F9: variants seen among roughly 807,000 people sequenced by gnomAD.
F9 encodes coagulation factor IX, also known as Christmas factor.
Under a neutral mutation model 34.1 loss-of-function variants are expected in F9, and 2 were observed. The ratio of observed to expected loss-of-function variants is 0.06; its 90% confidence interval spans 0.02 to 0.18. F9 has a LOEUF of 0.18. Among genes scored for constraint, F9 ranks in the 10% least tolerant of loss-of-function variants. The pLI is 1.00. For missense variants in F9, 216 were observed against 345.1 expected (o/e 0.63, Z 2.96); for synonymous variants, 137 against 118.8 (o/e 1.15, Z -1.00).
chrX:139,562,247 G>A lies in F9; in HGVS notation c.*176G>A, dbSNP rs1407644385. 1.1e-5 allele frequency: 5 copies of A among 463,864 alleles called. No individual in the cohort carries two copies. Among genetic ancestry groups the A allele is most frequent in the Non-Finnish European group, 1.1e-5 (3 of 274,934 alleles). The allele number at this position is 463,864 out of a possible 1,213,427, so 38.2% of individuals were successfully genotyped here. ...ACCTGAGCAAATTGATTAGAAAATG[G>A]AACCACTAGAGGAATATAATGTGTT... On this transcript the variant is annotated 3_prime_UTR_variant, in exon 8 of 8. Coordinates refer to ENST00000218099, the MANE Select transcript of F9 (RefSeq NM_000133.4).
intron 4 of F9, among the ~76,000 whole-genome samples, chrX:139,542,420 T>C (rs970731795): frequency 3.6e-5 from 4 of 111,443 alleles, no homozygotes; most frequent in Non-Finnish European, 7.6e-5. Flanking sequence ...TTCTTGAGAG[T>C]GTGTTAATTG....
chrX:139,536,290 TAGAGAG>T (rs761124334), intron 1 of F9, among the ~76,000 whole-genome samples: 1 of 101,015 alleles, frequency 9.9e-6, no homozygotes, highest in African/African-American at 3.6e-5. Context: ...CACACACACA[TAGAGAG>T]AGAGAGAGAG....
chrX:139,550,512 T>C (rs1165540035), intron 5 of F9, among the ~76,000 whole-genome samples: 4 of 111,880 alleles, frequency 3.6e-5, no homozygotes, highest in East Asian at 2.8e-4. Flanking sequence ...ATAATTATAT[T>C]AGCAATCTCT....
chrX:139,561,500 T>G (rs1569332774), intron 7 of F9, 24 bp from the exon 8 acceptor site: 2 of 1,187,667 alleles, frequency 1.7e-6, no homozygotes, highest in South Asian at 3.6e-5. Flanking sequence ...GTTTGTGACT[T>G]AAAATGAAAT....
intron 4 of F9, among the ~76,000 whole-genome samples, chrX:139,543,224 G>A (rs986557699): frequency 2.7e-5 from 3 of 110,404 alleles, no homozygotes; most frequent in African/African-American, 9.9e-5. Context: ...CCTTCACTGC[G>A]AGAGAGAGGT....
At chrX:139,550,320 A>T (rs1279043975) in intron 5 of F9, among the ~76,000 whole-genome samples, 1 of 112,003 alleles carries the variant, frequency 8.9e-6, no homozygotes, top group Non-Finnish European at 1.9e-5. Flanking sequence ...TGCTATAGAA[A>T]TGTCTGTTAC....
chrX:139,554,533 C>A (rs1927923441), intron 6 of F9, among the ~76,000 whole-genome samples: 1 of 111,935 alleles, frequency 8.9e-6, no homozygotes, highest in African/African-American at 3.2e-5. Flanking sequence ...CATTTTTAGA[C>A]AAAATGAAAC....
chrX:139,546,153 G>A (rs4149704), intron 4 of F9, among the ~76,000 whole-genome samples: 4,179 of 111,209 alleles, frequency 0.038, 207 homozygotes, highest in African/African-American at 0.13. Context: ...CTTAGCTCCC[G>A]CTTACAAGTG....
At chrX:139,551,295 G>A (rs1569330676) in intron 6 of F9, 31 bp downstream of exon 6, 2 of 1,146,522 alleles carry the variant, frequency 1.7e-6, no homozygotes, top group East Asian at 3.0e-5. Flanking sequence ...GTCAAAACTG[G>A]AGCTCAGCTG....
At chrX:139,536,024 A>G (rs1408013825) in intron 1 of F9, among the ~76,000 whole-genome samples, 2 of 109,611 alleles carry the variant, frequency 1.8e-5, no homozygotes, top group Admixed American at 9.9e-5. Context: ...GAAAAGGTAC[A>G]GTGAAAATAC....
intron 3 of F9, among the ~76,000 whole-genome samples, chrX:139,540,595 G>C (rs978084768): frequency 1.8e-5 from 2 of 111,557 alleles, no homozygotes; most frequent in African/African-American, 6.5e-5. Flanking sequence ...TCCCTGCCTA[G>C]GCCGTCAGTT....
At chrX:139,541,983 G>A (rs770307690) in intron 4 of F9, among the ~76,000 whole-genome samples, 2 of 111,532 alleles carry the variant, frequency 1.8e-5, no homozygotes, top group South Asian at 7.6e-4. Flanking sequence ...TGCTAATGAG[G>A]AATTCACTTT....
chrX:139,543,795 C>A (rs946741510), intron 4 of F9, among the ~76,000 whole-genome samples: 1 of 111,665 alleles, frequency 9.0e-6, no homozygotes, highest in Non-Finnish European at 1.9e-5. Context: ...GGCACTGAGA[C>A]CCCCTTCGGG....
chrX:139,531,510 A>C (rs1433400477), intron 1 of F9, among the ~76,000 whole-genome samples: 1 of 112,420 alleles, frequency 8.9e-6, no homozygotes, highest in Admixed American at 9.5e-5. Flanking sequence ...GGGGAAACAC[A>C]ATACTCAGTT....
Position 139,560,211 on chromosome X carries a change from T to C in F9, c.724-530T>C, listed in dbSNP as rs142263873. On this transcript the variant is annotated intron_variant, in intron 6 of 7. Transcript: ENST00000218099. ...TGGATGGCTATAAGCACAGCCCTTA[T>C]GGAGGCCTTAGGTCTTGCTTCATAA... 5.8e-4 allele frequency among the ~76,000 whole-genome samples: 65 copies of C among 112,133 alleles called. No individual in the cohort carries two copies. The East Asian group carries it at 0.017, about 30-fold the overall frequency.
At chrX:139,561,435 A>C (rs1928099262) in intron 7 of F9, 89 bp from the exon 8 acceptor site, 1 of 804,211 alleles carries the variant, frequency 1.2e-6, no homozygotes, top group African/African-American at 2.1e-5. Context: ...TAACATTGCC[A>C]ATTAGGTCAG....
At chrX:139,542,255 G>A (rs779670393) in intron 4 of F9, among the ~76,000 whole-genome samples, 13 of 111,903 alleles carry the variant, frequency 1.2e-4, no homozygotes, top group African/African-American at 3.9e-4. Context: ...TCTTCCTTTA[G>A]TCTCGAAAAT....
chrX:139,538,691 T>C (rs188181773), intron 3 of F9, among the ~76,000 whole-genome samples: 1 of 111,520 alleles, frequency 9.0e-6, no homozygotes, highest in East Asian at 2.8e-4. Flanking sequence ...GTCTTTGCAA[T>C]CTCCATTCCC....
chrX:139,534,415 G>A (rs183147991), intron 1 of F9, among the ~76,000 whole-genome samples: 22 of 112,076 alleles, frequency 2.0e-4, no homozygotes, highest in Admixed American at 1.3e-3. Flanking sequence ...TGTCTGATCT[G>A]ATTCTAAAGT....
Sources: gnomAD v4.1 joint callset for allele counts (sites outside exome capture counted in the v4.1 genomes callset) on GRCh38, gnomAD v4.1.1 for gene constraint, MANE v1.5 for transcripts, NCBI Gene and HGNC (gene_info 2026-07-23, HGNC 2026-07-21) for gene names.